The following GLI2 variants were observed in gnomAD, a reference collection of about 807,000 sequenced individuals.
GLI2 encodes transcription activator GLI2.
GLI2 carries 22 observed loss-of-function variants against 78.9 expected under a neutral mutation model. The ratio of observed to expected loss-of-function variants is 0.28; its 90% CI spans 0.20 to 0.40. GLI2 has a LOEUF of 0.40. Among genes scored for constraint, GLI2 ranks in the 10% least tolerant of loss-of-function variants. GLI2 has a pLI of 1.00. For missense variants in GLI2, 2,097 were observed against 2,213.2 expected (o/e 0.95, Z 1.05); for synonymous variants, 974 against 963.7 (o/e 1.01, Z -0.20).
At chr2:120,793,257 C>T (rs111816900) in intron 1 of GLI2, among the ~76,000 whole-genome samples, 3 of 152,338 alleles carry the variant, frequency 2.0e-5, no homozygotes, top group Admixed American at 6.5e-5. Flanking sequence ...GTGTTTCCTT[C>T]GTGGTTGTTT....
chr2:120,741,846 G>A (rs1682556401), intron 1 of GLI2, among the ~76,000 whole-genome samples: 1 of 152,192 alleles, frequency 6.6e-6, no homozygotes, highest in Admixed American at 6.5e-5. Context: ...CACACCGGCC[G>A]CCGCCGGCGA....
At chr2:120,964,220 A>T (rs933428863) in intron 5 of GLI2, among the ~76,000 whole-genome samples, 1 of 152,174 alleles carries the variant, frequency 6.6e-6, no homozygotes, top group Admixed American at 6.5e-5. Flanking sequence ...GACTCGGCTG[A>T]GGTCTGAGCA....
At chr2:120,920,080 C>T (rs1386754431) in intron 2 of GLI2, among the ~76,000 whole-genome samples, 1 of 152,244 alleles carries the variant, frequency 6.6e-6, no homozygotes, top group Non-Finnish European at 1.5e-5. Flanking sequence ...CACATGCTTC[C>T]AAGCTAATTC....
At chr2:120,746,609 T>A (rs961663822) in intron 1 of GLI2, among the ~76,000 whole-genome samples, 2 of 152,186 alleles carry the variant, frequency 1.3e-5, no homozygotes, top group African/African-American at 4.8e-5. Flanking sequence ...GGTCTCTGTA[T>A]TCAAGGTCTG....
chr2:120,842,467 T>G (rs1437277046), intron 2 of GLI2, among the ~76,000 whole-genome samples: 1 of 152,240 alleles, frequency 6.6e-6, no homozygotes, highest in Admixed American at 6.5e-5. Context: ...GACTGTAATT[T>G]ATTTAACGAG....
intron 2 of GLI2, among the ~76,000 whole-genome samples, chr2:120,827,228 A>G (rs746463978): frequency 6.6e-6 from 1 of 152,212 alleles, no homozygotes; most frequent in African/African-American, 2.4e-5. Context: ...GGCACAGCCA[A>G]ACCCGAGTGT....
At chr2:120,744,320 G>A (rs941630580) in intron 1 of GLI2, among the ~76,000 whole-genome samples, 1 of 152,178 alleles carries the variant, frequency 6.6e-6, no homozygotes, top group Admixed American at 6.5e-5. Flanking sequence ...GCTGGCCCTC[G>A]CTGTCTGTGG....
intron 2 of GLI2, chr2:120,866,625 C>T (rs1012443001): frequency 6.6e-6 from 1 of 151,626 alleles, no homozygotes; most frequent in Non-Finnish European, 1.5e-5. Flanking sequence ...AATGCAGCAT[C>T]CTTGCACATG....
At chr2:120,896,936 A>G (rs1450079327) in intron 2 of GLI2, among the ~76,000 whole-genome samples, 1 of 152,244 alleles carries the variant, frequency 6.6e-6, no homozygotes, top group East Asian at 1.9e-4. Context: ...GAAAGAAAAA[A>G]AGGGGATCAT....
chr2:120,893,618 G>A (rs1378760754), intron 2 of GLI2, among the ~76,000 whole-genome samples: 1 of 149,528 alleles, frequency 6.7e-6, no homozygotes, highest in East Asian at 2.0e-4. Flanking sequence ...TGTCTCGGGA[G>A]GAATTACCAA....
chr2:120,873,857 C>T (rs375155073), intron 2 of GLI2, among the ~76,000 whole-genome samples: 143 of 152,322 alleles, frequency 9.4e-4, no homozygotes, highest in African/African-American at 3.2e-3. Flanking sequence ...GAGTTCGTAA[C>T]GACAGAGAAC....
At chr2:120,913,241 C>T (rs907438665) in intron 2 of GLI2, among the ~76,000 whole-genome samples, 2 of 152,028 alleles carry the variant, frequency 1.3e-5, no homozygotes, top group Non-Finnish European at 2.9e-5. Flanking sequence ...GTAGGGTAGC[C>T]GCGAGCTGTG....
At position 120,797,459 on chromosome 2, in the gene GLI2, GC is replaced by G; in HGVS notation, c.142del (p.Gln48LysfsTer53). The G allele has an allele frequency of 6.2e-7, 1 of 1,613,906 alleles. No homozygotes were observed. Among genetic ancestry groups the G allele is most frequent in the Non-Finnish European group, 8.5e-7 (1 of 1,179,838 alleles). ...TGCAGCGGCAGCAGCAGCGGTAGCT[GC>G]CCAAGGAGGTACTTTCTGTTTCGCA... ...VAAAAAAAVA[A>X]QGVPQHLLPP... On this transcript the variant is annotated frameshift_variant, in exon 2 of 14. Coordinates refer to ENST00000361492, the MANE Select transcript of GLI2 (RefSeq NM_001374353.1). LOFTEE classifies it high-confidence loss of function.
At chr2:120,905,562 G>A (rs891141295) in intron 2 of GLI2, among the ~76,000 whole-genome samples, 2 of 152,180 alleles carry the variant, frequency 1.3e-5, no homozygotes, top group Non-Finnish European at 2.9e-5. Context: ...CTTTCCAGAC[G>A]CTCAGAGCCT....
rs116090784 is a variant in GLI2 at position 120,781,212 on chromosome 2, G to A, written c.-30-16079G>A. 5.4e-3 allele frequency among the ~76,000 whole-genome samples: 817 copies of A among 152,290 alleles called. 8 individuals carry two copies. The highest frequency in any genetic ancestry group is 0.018 in the African/African-American group (760 of 41,566). ...GGCCTGGTCCTGCTGCACCCTCACT[G>A]CCCAGCACTGAGGGCCAGTCCTTTG... On this transcript the variant is annotated intron_variant, in intron 1 of 13. Coordinates refer to ENST00000361492, the MANE Select transcript of GLI2 (RefSeq NM_001374353.1).
chr2:120,977,149 C>T (rs1390628777), intron 9 of GLI2, among the ~76,000 whole-genome samples: 3 of 152,166 alleles, frequency 2.0e-5, no homozygotes, highest in African/African-American at 7.2e-5. Flanking sequence ...CAAGGTGCTG[C>T]CAGTGCCTGA....
At chr2:120,804,428 G>A (rs1316040493) in intron 2 of GLI2, among the ~76,000 whole-genome samples, 5 of 152,206 alleles carry the variant, frequency 3.3e-5, no homozygotes, top group Non-Finnish European at 4.4e-5. Flanking sequence ...CCGGTGGGCT[G>A]GTGTGGTCAG....
At chr2:120,864,543 C>A (rs1688040449) in intron 2 of GLI2, among the ~76,000 whole-genome samples, 1 of 152,154 alleles carries the variant, frequency 6.6e-6, no homozygotes, top group Non-Finnish European at 1.5e-5. Flanking sequence ...ACGATCTCGG[C>A]TCACTGCAAG....
At chr2:120,831,745 T>G (rs1166236870) in intron 2 of GLI2, among the ~76,000 whole-genome samples, 1 of 152,148 alleles carries the variant, frequency 6.6e-6, no homozygotes, top group African/African-American at 2.4e-5. Context: ...TGGCTTTAAA[T>G]CCAGCTCTGA....
Sources: gnomAD v4.1 joint callset for allele counts (sites outside exome capture counted in the v4.1 genomes callset) on GRCh38, gnomAD v4.1.1 for gene constraint, MANE v1.5 for transcripts, NCBI Gene and HGNC (gene_info 2026-07-23, HGNC 2026-07-21) for gene names.